RIMBP2: variants seen among roughly 807,000 people sequenced by gnomAD.
RIMBP2 encodes RIMS binding protein 2.
In RIMBP2, 48 loss-of-function variants were observed where a neutral mutation model predicts 118.6. The observed-to-expected ratio is 0.40, with a 90% CI of 0.32 to 0.51. The LOEUF is 0.51. Ranked by LOEUF, RIMBP2 falls within the 20% of genes least tolerant of loss-of-function variation. The pLI is 0.41. For missense variants in RIMBP2, 1,551 were observed against 1,768.3 expected, an observed-to-expected ratio of 0.88 and a Z score of 2.20; for synonymous variants, 762 against 742.9, an observed-to-expected ratio of 1.03 and a Z score of -0.42.
chr12:130,436,204 C>G (rs1489079692), intron 13 of RIMBP2, among the ~76,000 whole-genome samples: 2 of 152,166 alleles, frequency 1.3e-5, no homozygotes, highest in Non-Finnish European at 2.9e-5. Flanking sequence ...AACGCACGTC[C>G]CGTTGTGTGT....
In RIMBP2 at chr12:130,424,352, G is replaced by A. The variant is rs2076624269; in HGVS notation, c.2919C>T (p.Asp973=). Residue 973 remains aspartate, a synonymous_variant, in exon 16 of 23, where the codon GAC becomes GAT. Transcript: ENST00000690449. This position sits in a 1 kb window ranked among gnomAD's most constrained non-coding sequence, Gnocchi z 9.8. The stretch of plus-strand genomic sequence containing the variant: ...CACCAGGGCCCACCTGCTCCCCAAA[G>A]TCCTCCTCCACGCTGCTCTGCCGGG... ...TLTRQSSVEE[D]FGEQVGPGGL... is the part of the protein sequence containing the mutation. 1 of 1,232,486 alleles carries A rather than the reference G, an allele frequency of 8.1e-7. No individual in the cohort carries two copies. Among genetic ancestry groups the A allele is most frequent in the Non-Finnish European group, 1.0e-6 (1 of 988,100 alleles). The allele number at this position is 1,232,486 out of a possible 1,614,324, so 76.3% of individuals were successfully genotyped here.
Position 130,683,099 on chromosome 12 carries a change from G to T in RIMBP2, c.-352+33123C>A, listed in dbSNP as rs541186574. Among the ~76,000 whole-genome samples, 6 of 152,158 alleles carry T rather than the reference G, an allele frequency of 3.9e-5. No individual in the cohort carries two copies. The highest frequency in any genetic ancestry group is 8.8e-5 in the Non-Finnish European group (6 of 68,036). ...CCACATGACCCCATTTGGAAACAGGGTCTGTGCAGGTATAATTAAGGTAAG... is the reference window on the plus strand; with the variant it reads ...CCACATGACCCCATTTGGAAACAGGTTCTGTGCAGGTATAATTAAGGTAAG... On this transcript the variant is annotated intron_variant, in intron 1 of 22. Coordinates refer to ENST00000690449, the MANE Select transcript of RIMBP2 (RefSeq NM_001393629.1). This position sits in a 1 kb window ranked among gnomAD's most constrained non-coding sequence, Gnocchi z 4.4.
chr12:130,555,137 AC>A (rs1328725361), intron 2 of RIMBP2, among the ~76,000 whole-genome samples: 3 of 152,178 alleles, frequency 2.0e-5, no homozygotes, highest in African/African-American at 7.2e-5. Context: ...AAAGACTTGA[AC>A]CCTGCGATCT....
At chr12:130,636,223 A>T (rs1256857200) in intron 1 of RIMBP2, among the ~76,000 whole-genome samples, 1 of 152,106 alleles carries the variant, frequency 6.6e-6, no homozygotes, top group African/African-American at 2.4e-5. Context: ...GGCAGATGTC[A>T]CTTCGCCCAG....
intron 4 of RIMBP2, among the ~76,000 whole-genome samples, chr12:130,504,099 A>T (rs1277912636): frequency 6.6e-6 from 1 of 152,148 alleles, no homozygotes; most frequent in Non-Finnish European, 1.5e-5. Flanking sequence ...TTGTTTTAGG[A>T]AACATTCAGC....
At chr12:130,400,561 C>T (rs1198787966) in intron 21 of RIMBP2, among the ~76,000 whole-genome samples, 2 of 152,154 alleles carry the variant, frequency 1.3e-5, no homozygotes, top group African/African-American at 4.8e-5. Flanking sequence ...AGTGCCTAAA[C>T]CAAGTTCAAA....
chr12:130,489,290 G>A (rs1406267422), intron 4 of RIMBP2, among the ~76,000 whole-genome samples: 2 of 152,120 alleles, frequency 1.3e-5, no homozygotes, highest in Non-Finnish European at 2.9e-5. Flanking sequence ...GCCTGGATGA[G>A]GGCAGGATGG....
intron 2 of RIMBP2, among the ~76,000 whole-genome samples, chr12:130,533,859 C>T (rs371300111): frequency 5.3e-5 from 8 of 152,232 alleles, no homozygotes; most frequent in Middle Eastern, 6.8e-3. Flanking sequence ...AGTGTCTCCA[C>T]GTGGACACAG....
intron 3 of RIMBP2, among the ~76,000 whole-genome samples, chr12:130,513,461 G>A (rs769162136): frequency 1.3e-5 from 2 of 152,196 alleles, no homozygotes; most frequent in Non-Finnish European, 2.9e-5. Flanking sequence ...TACTCAATGT[G>A]ACGAAAACCT....
chr12:130,462,497 G>A (rs1208541099), intron 6 of RIMBP2, among the ~76,000 whole-genome samples: 4 of 152,178 alleles, frequency 2.6e-5, no homozygotes, highest in Non-Finnish European at 5.9e-5. Flanking sequence ...ACGGGCATTC[G>A]TTGGTTAAAG....
chr12:130,518,071 C>G (rs2051665298), intron 2 of RIMBP2, among the ~76,000 whole-genome samples, 154 bp from the exon 3 acceptor site: 1 of 152,186 alleles, frequency 6.6e-6, no homozygotes, highest in South Asian at 2.1e-4. Flanking sequence ...ACTGATTTCT[C>G]TCTTTTTTCC....
intron 2 of RIMBP2, among the ~76,000 whole-genome samples, chr12:130,518,490 C>A (rs1017290588): frequency 2.6e-5 from 4 of 152,146 alleles, no homozygotes; most frequent in African/African-American, 9.7e-5. Flanking sequence ...GAGACATGAA[C>A]TAAGGTCACC....
intron 2 of RIMBP2, among the ~76,000 whole-genome samples, chr12:130,524,435 C>T: frequency 6.6e-6 from 1 of 152,038 alleles, no homozygotes; most frequent in South Asian, 2.1e-4. Context: ...GTGACCAGCC[C>T]CATGCACAGA....
At chr12:130,599,883 G>T (rs2059770227) in intron 2 of RIMBP2, among the ~76,000 whole-genome samples, 1 of 152,154 alleles carries the variant, frequency 6.6e-6, no homozygotes, top group Admixed American at 6.5e-5. Flanking sequence ...GTCAAGCTGG[G>T]CACTGCTGAG....
chr12:130,506,836 T>C (rs878881524), intron 3 of RIMBP2, 66 bp from the exon 4 acceptor site: 1 of 981,482 alleles, frequency 1.0e-6, no homozygotes, highest in South Asian at 4.7e-5. Context: ...TATCCGTTGC[T>C]TCCTCTTTAG....
chr12:130,439,163 A>G (rs1466312884), intron 11 of RIMBP2, among the ~76,000 whole-genome samples: 2 of 149,662 alleles, frequency 1.3e-5, no homozygotes, highest in Non-Finnish European at 3.0e-5. Flanking sequence ...GTGTGTGTAA[A>G]TGTGTATGTA....
intron 2 of RIMBP2, among the ~76,000 whole-genome samples, chr12:130,560,385 T>G (rs2056723391): frequency 6.6e-6 from 1 of 152,148 alleles, no homozygotes; most frequent in Non-Finnish European, 1.5e-5. Flanking sequence ...GAAGATTCTT[T>G]GCTGTGGGGC....
At chr12:130,403,035 C>T (rs942106065) in intron 21 of RIMBP2, among the ~76,000 whole-genome samples, 3 of 152,238 alleles carry the variant, frequency 2.0e-5, no homozygotes, top group East Asian at 1.9e-4. Flanking sequence ...TCCCTGCTTA[C>T]GCTTGTTTTA....
rs369925429 is a variant in RIMBP2, at chr12:130,649,127, T to TGGAGGTGGGTAC, written c.-351-20683_-351-20672dup. On this transcript the variant is annotated intron_variant, in intron 1 of 22. Transcript: ENST00000690449. ...CGATAGGCTCAGTCGGAGGTGGGTA[T>TGGAGGTGGGTAC]GGAGGTGGGTACGGAGGTGGCAGGA... Among the ~76,000 whole-genome samples, 2 of 145,506 alleles carry TGGAGGTGGGTAC rather than the reference T, an allele frequency of 1.4e-5. 1 individual carries two copies. The highest frequency in any genetic ancestry group is 3.1e-5 in the Non-Finnish European group (2 of 64,248).
Sources: allele counts gnomAD v4.1 joint callset (sites outside exome capture counted in the v4.1 genomes callset), GRCh38; gene constraint gnomAD v4.1.1; non-coding constraint Gnocchi (gnomAD v3.1); transcripts MANE v1.5; gene names NCBI Gene and HGNC (gene_info 2026-07-23, HGNC 2026-07-21).